The following SLC22A15 variants were observed in gnomAD, a reference collection of about 807,000 sequenced individuals.
SLC22A15 encodes solute carrier family 22 member 15, also known as flipt 1.
Under a neutral mutation model 62.7 loss-of-function variants are expected in SLC22A15, and 45 were observed. The ratio of observed to expected loss-of-function variants is 0.72; its 90% CI spans 0.56 to 0.92. SLC22A15 has a LOEUF of 0.92. SLC22A15 is among the 40% of genes least tolerant of loss of function. The pLI, the probability that SLC22A15 is intolerant of heterozygous loss-of-function variation, is 0.00. For missense variants in SLC22A15, 622 were observed against 665.6 expected (o/e 0.93, Z 0.72); for synonymous variants, 264 against 267.0 (o/e 0.99, Z 0.11).
intron 2 of SLC22A15, among the ~76,000 whole-genome samples, chr1:116,012,853 G>T (rs1656340754): frequency 2.0e-5 from 3 of 152,192 alleles, no homozygotes; most frequent in Admixed American, 1.3e-4. Context: ...TGGGCTAGTA[G>T]TAAGTGTGGA....
intron 1 of SLC22A15, among the ~76,000 whole-genome samples, chr1:115,985,510 T>G (rs984017068): frequency 2.6e-5 from 4 of 152,226 alleles, no homozygotes; most frequent in African/African-American, 9.6e-5. Flanking sequence ...AGGAAAAGAC[T>G]ACTTTTTATC....
At chr1:116,007,303 C>G (rs1345861877) in intron 2 of SLC22A15, among the ~76,000 whole-genome samples, 1 of 152,232 alleles carries the variant, frequency 6.6e-6, no homozygotes, top group Non-Finnish European at 1.5e-5. Context: ...GCACCTCCAC[C>G]CTCCCTCAGG....
chr1:116,031,880 C>G, intron 6 of SLC22A15: 1 of 1,167,192 alleles, frequency 8.6e-7, no homozygotes, highest in South Asian at 2.8e-5. Flanking sequence ...CCTTCCTGCC[C>G]CTTCCCCTGC....
chr1:116,039,219 C>T (rs562855930), intron 8 of SLC22A15, among the ~76,000 whole-genome samples: 4 of 152,078 alleles, frequency 2.6e-5, no homozygotes, highest in Admixed American at 6.6e-5. Context: ...ACTTAGAAAA[C>T]GTGGATGTAT....
chr1:115,989,937 C>G (rs1655068020), intron 1 of SLC22A15, among the ~76,000 whole-genome samples: 1 of 152,114 alleles, frequency 6.6e-6, no homozygotes, highest in Non-Finnish European at 1.5e-5. Context: ...GGGTTATTTG[C>G]TTTGGAAGCT....
chr1:116,065,514 T>C lies in SLC22A15; in HGVS notation c.1365+1006T>C, dbSNP rs867483168. ...GGTTAGAAGAAGGGAAAGTGTGTGT[T>C]CCCCTTGTTTCAACAACAGGCCCAC... On this transcript the variant is annotated intron_variant, in intron 10 of 11. Transcript: ENST00000369503. 5.9e-5 allele frequency among the ~76,000 whole-genome samples: 9 copies of C among 152,262 alleles called. No homozygotes were observed. The Middle Eastern group carries it at 0.01, about 173-fold the overall frequency.
rs756786821 is a variant in SLC22A15 at position 116,020,885 on chromosome 1, G to C, written c.598G>C (p.Gly200Arg). 6.8e-6 allele frequency: 11 copies of C among 1,610,134 alleles called. No homozygotes were observed. The highest frequency in any genetic ancestry group is 8.5e-6 in the Non-Finnish European group (10 of 1,177,746). ...CVGTAYWALA[G>R]SIGGLFFAVG... ...GGGCACCGCCTACTGGGCACTTGCA[G>C]GTACTACTTAAATCATGCAGCTCTG... Residue 200 changes from glycine (G) to arginine (R), a missense_variant and splice_region_variant, in exon 4 of 12, where the codon GGA (glycine) becomes CGA (arginine). Coordinates refer to ENST00000369503, the MANE Select transcript of SLC22A15 (RefSeq NM_018420.3).
In SLC22A15 at chr1:115,992,249, A is replaced by C; in HGVS notation, c.300+6A>C. 1 of 1,564,914 alleles carries C rather than the reference A, an allele frequency of 6.4e-7. No individual in the cohort carries two copies. Among genetic ancestry groups the C allele is most frequent in the Non-Finnish European group, 8.7e-7 (1 of 1,153,322 alleles). On this transcript the variant is annotated splice_donor_region_variant and intron_variant, in intron 2 of 11. Transcript: ENST00000369503. ...TCACCTCCATCGCCTCGGAGGTAAC[A>C]ACAGGCTGTTTCAATCACTAAATAA... is the stretch of plus-strand genomic sequence containing the variant.
chr1:116,024,126 G>A (rs1412965171), intron 4 of SLC22A15, among the ~76,000 whole-genome samples: 1 of 152,128 alleles, frequency 6.6e-6, no homozygotes, highest in African/African-American at 2.4e-5. Context: ...AGAAATTGAG[G>A]GATCATTTAG....
At chr1:116,031,272 G>A (rs1657378953) in intron 5 of SLC22A15, 94 bp from the exon 6 acceptor site, 1 of 882,260 alleles carries the variant, frequency 1.1e-6, no homozygotes, top group African/African-American at 1.7e-5. Context: ...TCCCATTTGT[G>A]GTGCAGGAAT....
At chr1:116,017,205 G>A (rs1309349686) in intron 2 of SLC22A15, among the ~76,000 whole-genome samples, 6 of 151,500 alleles carry the variant, frequency 4.0e-5, no homozygotes, top group Non-Finnish European at 7.4e-5. Context: ...TGTCACCTCC[G>A]CCCAGAATCC....
chr1:116,040,051 A>C (rs1657738495), intron 8 of SLC22A15, among the ~76,000 whole-genome samples: 1 of 152,170 alleles, frequency 6.6e-6, no homozygotes, highest in Non-Finnish European at 1.5e-5. Flanking sequence ...CCTTTCTGCC[A>C]ACTCAGGTGA....
chr1:116,003,617 G>GA (rs1269519793), intron 2 of SLC22A15, among the ~76,000 whole-genome samples: 1 of 152,182 alleles, frequency 6.6e-6, no homozygotes, highest in Non-Finnish European at 1.5e-5. Flanking sequence ...GAGTTCCAAT[G>GA]CAAAGTTCCA....
chr1:115,989,268 G>A lies in SLC22A15; in HGVS notation c.88-2763G>A, dbSNP rs532202273. 2.0e-5 allele frequency among the ~76,000 whole-genome samples: 3 copies of A among 152,192 alleles called. No individual in the cohort carries two copies. In the South Asian group the frequency reaches 6.2e-4, roughly 32 times the overall value. On this transcript the variant is annotated intron_variant, in intron 1 of 11. Transcript: ENST00000369503. ...GCTAGAAAGAAAACTGGTTAATACT[G>A]ATTAATACAGATAATACTGATTAGG...
At position 116,069,653 on chromosome 1, in the gene SLC22A15, G is replaced by A. The variant is rs1314509609; in HGVS notation, c.*2545G>A. 6.6e-6 allele frequency: 1 copy of A among 152,058 alleles called. No homozygotes were observed. The highest frequency in any genetic ancestry group is 1.5e-5 in the Non-Finnish European group (1 of 67,984). The allele number at this position is 152,058 out of a possible 1,614,324, so 9.4% of individuals were successfully genotyped here. A position where few individuals can be genotyped will look rare whatever the true frequency, so the allele number is the denominator to read the frequency against. The stretch of plus-strand genomic sequence containing the variant: ...TCTGATTTTGTGAGTTACAACCACA[G>A]CCCAGTAAAACCAATACTTGTTATT... On this transcript the variant is annotated 3_prime_UTR_variant, in exon 12 of 12. Coordinates refer to ENST00000369503, the MANE Select transcript of SLC22A15 (RefSeq NM_018420.3).
At chr1:116,041,072 G>C (rs577628757) in intron 8 of SLC22A15, among the ~76,000 whole-genome samples, 1 of 152,326 alleles carries the variant, frequency 6.6e-6, no homozygotes, top group East Asian at 1.9e-4. Context: ...GGCTCTCATT[G>C]ATGAGGATTA....
intron 8 of SLC22A15, among the ~76,000 whole-genome samples, chr1:116,062,309 T>G (rs967513771): frequency 6.6e-6 from 1 of 152,190 alleles, no homozygotes; most frequent in African/African-American, 2.4e-5. Context: ...GAATGCAAAC[T>G]GCATATAAGA....
At chr1:116,046,137 T>G (rs1179591250) in intron 8 of SLC22A15, among the ~76,000 whole-genome samples, 1 of 152,160 alleles carries the variant, frequency 6.6e-6, no homozygotes, top group East Asian at 1.9e-4. Flanking sequence ...ATGCTAAAAC[T>G]GTGTTGTACA....
chr1:116,066,674 A>G lies in SLC22A15; in HGVS notation c.1520A>G (p.Glu507Gly), dbSNP rs1457999181. 6.2e-7 allele frequency: 1 copy of G among 1,612,954 alleles called. No homozygotes were observed. The highest frequency in any genetic ancestry group is 1.7e-5 in the Admixed American group (1 of 59,860). Reference protein sequence around the residue: ...QVYSYRRLGEEALSLQALDPQ... With the variant: ...QVYSYRRLGEGALSLQALDPQ... ...TATTCGTATCGCAGGCTGGGAGAAG[A>G]AGCATTATCTTTACAGGCTTTGGAC... The change falls in exon 11 of 12, where the codon GAA becomes GGA. Residue 507 changes from glutamate to glycine, a missense_variant. Transcript: ENST00000369503.
Sources: allele counts gnomAD v4.1 joint callset (sites outside exome capture counted in the v4.1 genomes callset), GRCh38; gene constraint gnomAD v4.1.1; transcripts MANE v1.5; gene names NCBI Gene and HGNC (gene_info 2026-07-23, HGNC 2026-07-21).